The following ASXL2 variants were observed in gnomAD, a reference collection of about 807,000 sequenced individuals.
ASXL2 encodes putative Polycomb group protein ASXL2.
A neutral mutation model predicts 122.0 loss-of-function variants in ASXL2; 23 were observed. That is an observed-to-expected ratio of 0.19 (90% CI 0.14 to 0.27). The LOEUF is 0.27. Among genes scored for constraint, ASXL2 ranks in the 10% least tolerant of loss-of-function variants. The pLI, the probability that ASXL2 is intolerant of heterozygous loss-of-function variation, is 1.00. For synonymous variants in ASXL2, 650 were observed against 637.0 expected (o/e 1.02, Z -0.31); for missense variants, 1,518 against 1,713.8 (o/e 0.89, Z 2.02).
Position 25,737,869 on chromosome 2 carries a change from C to G in ASXL2, c.*4160G>C, listed in dbSNP as rs2149133316. On this transcript the variant is annotated 3_prime_UTR_variant, in exon 13 of 13. Coordinates refer to ENST00000435504, the MANE Select transcript of ASXL2 (RefSeq NM_018263.6). ...TTGACACCAACTTCTCTGTACATAC[C>G]CTCAATTCCAATGTTAACAATTCCT... 6.6e-6 allele frequency: 1 copy of G among 151,786 alleles called. No homozygotes were observed. The highest frequency in any genetic ancestry group is 1.9e-4 in the East Asian group (1 of 5,176). 9.4% of individuals were successfully genotyped at this position (151,786 alleles called of 1,614,324 possible).
Position 25,878,366 on chromosome 2 carries a change from G to C in ASXL2, c.-144C>G. 5 of 658,686 alleles carry C rather than the reference G, an allele frequency of 7.6e-6. No individual in the cohort carries two copies. The highest frequency in any genetic ancestry group is 7.5e-6 in the Non-Finnish European group (3 of 399,828). The allele number at this position is 658,686 out of a possible 1,614,324, so 40.8% of individuals were successfully genotyped here. On this transcript the variant is annotated 5_prime_UTR_variant, in exon 1 of 13. Coordinates refer to ENST00000435504, the MANE Select transcript of ASXL2 (RefSeq NM_018263.6). ...AGACCGGGGGGGCACCCAAGCAGAG[G>C]AAGCGGCGGGGGTGGTGCGCGGGGG... is the stretch of plus-strand genomic sequence containing the variant.
At chr2:25,751,607 C>T (rs1268317496) in intron 11 of ASXL2, among the ~76,000 whole-genome samples, 1 of 150,400 alleles carries the variant, frequency 6.6e-6, no homozygotes, top group Non-Finnish European at 1.5e-5. Context: ...GCACTCCAGC[C>T]TGAGGGACAG....
intron 1 of ASXL2, among the ~76,000 whole-genome samples, chr2:25,849,107 T>C (rs2089687532): frequency 8.3e-6 from 1 of 121,204 alleles, no homozygotes; most frequent in Non-Finnish European, 1.7e-5. Context: ...AAAAAATGTT[T>C]ATCACAGTTT....
chr2:25,742,596 A>G lies in ASXL2; in HGVS notation c.3741T>C (p.Asn1247=). The part of the protein sequence containing the change: ...LNEQTTLSKE[N]YLFTRGQTFD... ...ATGTTTGGCCTCTAGTGAACAGGTAATTCTCCTTACTTAAAGTGGTTTGCT... is the reference window on the plus strand; with the variant it reads ...ATGTTTGGCCTCTAGTGAACAGGTAGTTCTCCTTACTTAAAGTGGTTTGCT... Residue 1247 remains asparagine (N), a synonymous_variant, in exon 13 of 13, where the codon AAT becomes AAC. Coordinates refer to ENST00000435504, the MANE Select transcript of ASXL2 (RefSeq NM_018263.6). 6.2e-7 allele frequency: 1 copy of G among 1,613,980 alleles called. No individual in the cohort carries two copies. Among genetic ancestry groups the G allele is most frequent in the Non-Finnish European group, 8.5e-7 (1 of 1,179,908 alleles).
At chr2:25,871,897 C>T (rs530511023) in intron 1 of ASXL2, among the ~76,000 whole-genome samples, 1 of 152,344 alleles carries the variant, frequency 6.6e-6, no homozygotes, top group African/African-American at 2.4e-5. Flanking sequence ...AATGTAAATA[C>T]ACAGTTGTTT....
intron 5 of ASXL2, among the ~76,000 whole-genome samples, chr2:25,778,115 G>A (rs567441663): frequency 6.6e-6 from 1 of 152,284 alleles, no homozygotes; most frequent in East Asian, 1.9e-4. Flanking sequence ...GGCTGATAAT[G>A]GTGGCAACCA....
chr2:25,784,227 G>T (rs897102760), intron 5 of ASXL2, among the ~76,000 whole-genome samples: 11 of 152,072 alleles, frequency 7.2e-5, no homozygotes, highest in South Asian at 2.1e-4. Context: ...CTCCAGCCTG[G>T]GTGACAGAGT....
intron 1 of ASXL2, among the ~76,000 whole-genome samples, chr2:25,860,268 G>T (rs376440484): frequency 6.6e-6 from 1 of 151,626 alleles, no homozygotes. Flanking sequence ...CCGAGGTCGC[G>T]CCACTGCACT....
chr2:25,759,685 AGTCCT>A, intron 8 of ASXL2, 40 bp from the exon 9 acceptor site: 1 of 1,583,822 alleles, frequency 6.3e-7, no homozygotes, highest in Non-Finnish European at 8.6e-7. Flanking sequence ...CTCCCTCACA[AGTCCT>A]GTTTCTATAT....
intron 3 of ASXL2, among the ~76,000 whole-genome samples, chr2:25,809,103 A>C (rs1362425184): frequency 3.9e-5 from 6 of 152,212 alleles, no homozygotes; most frequent in African/African-American, 1.4e-4. Context: ...AACCCAGAAA[A>C]GGATAATGAG....
intron 7 of ASXL2, among the ~76,000 whole-genome samples, chr2:25,768,311 A>G (rs902637664): frequency 2.0e-5 from 3 of 151,312 alleles, no homozygotes; most frequent in Admixed American, 6.6e-5. Context: ...CAGTGCTAAC[A>G]TTTTTTTTTG....
chr2:25,842,214 GAA>G (rs758038902), intron 2 of ASXL2, among the ~76,000 whole-genome samples: 9 of 152,118 alleles, frequency 5.9e-5, no homozygotes, highest in Non-Finnish European at 1.0e-4. Context: ...AATTGTCTCT[GAA>G]AAAGAGGTAT....
intron 2 of ASXL2, among the ~76,000 whole-genome samples, chr2:25,837,973 C>T (rs1244084262): frequency 8.0e-6 from 1 of 125,558 alleles, no homozygotes; most frequent in South Asian, 2.5e-4. Flanking sequence ...AAAAAAAAAA[C>T]ACAAAAAATT....
chr2:25,820,710 T>C (rs911626299), intron 3 of ASXL2, among the ~76,000 whole-genome samples: 1 of 152,084 alleles, frequency 6.6e-6, no homozygotes, highest in African/African-American at 2.4e-5. Flanking sequence ...CTTAAAACCA[T>C]TGAACTGTGC....
At position 25,736,107 on chromosome 2, in the gene ASXL2, T is replaced by C. The variant is rs1367444492; in HGVS notation, c.*5922A>G. 6.6e-6 allele frequency: 1 copy of C among 152,208 alleles called. No individual in the cohort carries two copies. Among genetic ancestry groups the C allele is most frequent in the Non-Finnish European group, 1.5e-5 (1 of 68,030 alleles). The allele number at this position is 152,208 out of a possible 1,614,324, so 9.4% of individuals were successfully genotyped here. On this transcript the variant is annotated 3_prime_UTR_variant, in exon 13 of 13. Transcript: ENST00000435504. ...TAAATACTTGAATTAGTAAATAACA[T>C]GATTTGTACATAAAAAGTTACCAGA... is the stretch of plus-strand genomic sequence containing the variant.
chr2:25,794,429 T>C (rs2088882723), intron 5 of ASXL2, among the ~76,000 whole-genome samples: 1 of 152,148 alleles, frequency 6.6e-6, no homozygotes, highest in Non-Finnish European at 1.5e-5. Context: ...ATATAAATAG[T>C]GATTTTCGTA....
At chr2:25,766,561 G>A (rs900855221) in intron 8 of ASXL2, among the ~76,000 whole-genome samples, 1 of 152,114 alleles carries the variant, frequency 6.6e-6, no homozygotes, top group Admixed American at 6.5e-5. Flanking sequence ...ACATTTGCCT[G>A]CAGACTTTTT....
chr2:25,873,654 C>CA (rs926592199), intron 1 of ASXL2, among the ~76,000 whole-genome samples: 24 of 149,218 alleles, frequency 1.6e-4, no homozygotes, highest in African/African-American at 5.7e-4. Flanking sequence ...AAAAAAAAAA[C>CA]AAAAAAACTA....
chr2:25,770,157 C>T (rs1208097174), intron 6 of ASXL2, among the ~76,000 whole-genome samples: 2 of 152,094 alleles, frequency 1.3e-5, no homozygotes, highest in Non-Finnish European at 1.5e-5. Context: ...TTATTAGAAC[C>T]ACTTGATTGC....
Sources: gnomAD v4.1 joint callset for allele counts (sites outside exome capture counted in the v4.1 genomes callset) on GRCh38, gnomAD v4.1.1 for gene constraint, MANE v1.5 for transcripts, NCBI Gene and HGNC (gene_info 2026-07-23, HGNC 2026-07-21) for gene names.